ASIC2: variants seen among roughly 807,000 people sequenced by gnomAD.
ASIC2 encodes the protein acid-sensing ion channel 2.
In ASIC2, 25 loss-of-function variants were observed where a neutral mutation model predicts 57.3. The observed-to-expected ratio is 0.44, with a 90% CI of 0.32 to 0.61. ASIC2 has a LOEUF of 0.61. ASIC2 is among the 20% of genes least tolerant of loss of function. The probability of loss-of-function intolerance (pLI) is 0.06; values close to 1 mark genes in which losing one functional copy is unlikely to be tolerated. For synonymous variants in ASIC2, 319 were observed against 307.5 expected (o/e 1.04, Z -0.39); for missense variants, 641 against 738.1 (o/e 0.87, Z 1.52).
At chr17:33,705,188 T>C (rs1170254184) in intron 1 of ASIC2, among the ~76,000 whole-genome samples, 1 of 152,248 alleles carries the variant, frequency 6.6e-6, no homozygotes, top group African/African-American at 2.4e-5. Flanking sequence ...TAATGTATGT[T>C]CATTATTCAA....
At chr17:33,369,319 A>G (rs1198689472) in intron 1 of ASIC2, among the ~76,000 whole-genome samples, 1 of 152,176 alleles carries the variant, frequency 6.6e-6, no homozygotes, top group Non-Finnish European at 1.5e-5. Context: ...GGCTGCCTTG[A>G]GAAGGTGATT....
chr17:33,295,697 G>A (rs561793067), upstream of ASIC2, among the ~76,000 whole-genome samples: 3 of 152,276 alleles, frequency 2.0e-5, no homozygotes, highest in Admixed American at 1.3e-4. Context: ...CAGTGACCTA[G>A]CACGTTGATG....
chr17:33,765,758 G>T (rs926559178), intron 1 of ASIC2, among the ~76,000 whole-genome samples: 1 of 152,192 alleles, frequency 6.6e-6, no homozygotes, highest in African/African-American at 2.4e-5. Context: ...GTGCTATCAT[G>T]ATTTGACTCT....
At chr17:33,672,633 A>G (rs527725042) in intron 1 of ASIC2, among the ~76,000 whole-genome samples, 2 of 152,260 alleles carry the variant, frequency 1.3e-5, no homozygotes, top group African/African-American at 4.8e-5. Flanking sequence ...GATTCTTCCA[A>G]TTTTTAAGTG....
intron 1 of ASIC2, among the ~76,000 whole-genome samples, chr17:34,033,881 C>A (rs1209592119): frequency 6.6e-6 from 1 of 152,120 alleles, no homozygotes; most frequent in East Asian, 1.9e-4. Flanking sequence ...AGCTTACCAA[C>A]CAAAAAAAGT....
intron 1 of ASIC2, among the ~76,000 whole-genome samples, chr17:33,258,349 T>C (rs1909153601): frequency 6.6e-6 from 1 of 152,192 alleles, no homozygotes; most frequent in African/African-American, 2.4e-5. Context: ...CATTAATCCA[T>C]CAGTTAATCA....
intron 1 of ASIC2, among the ~76,000 whole-genome samples, chr17:33,407,096 A>G (rs920625429): frequency 6.6e-6 from 1 of 152,342 alleles, no homozygotes; most frequent in Non-Finnish European, 1.5e-5. Flanking sequence ...TCACTTGTAT[A>G]ATGTAGATAA....
At chr17:33,298,653 G>A (rs1905821974) in intron 1 of ASIC2, among the ~76,000 whole-genome samples, 1 of 152,160 alleles carries the variant, frequency 6.6e-6, no homozygotes, top group African/African-American at 2.4e-5. Context: ...TCTAGTTCTA[G>A]ATCCTTGAGG....
chr17:34,021,165 C>T (rs559336511), intron 1 of ASIC2, among the ~76,000 whole-genome samples: 36 of 152,024 alleles, frequency 2.4e-4, no homozygotes, highest in African/African-American at 7.0e-4. Flanking sequence ...GACGGGTGCA[C>T]CAAAATCTCA....
chr17:33,657,005 C>T (rs1288075205), intron 1 of ASIC2, among the ~76,000 whole-genome samples: 1 of 152,150 alleles, frequency 6.6e-6, no homozygotes. Context: ...AGCAAGATGA[C>T]CATGCTGGAA....
chr17:33,735,741 C>G (rs959091860), intron 1 of ASIC2, among the ~76,000 whole-genome samples: 8 of 152,130 alleles, frequency 5.3e-5, no homozygotes, highest in Non-Finnish European at 1.0e-4. Flanking sequence ...TGGGATCACT[C>G]ACTGTGCTCC....
intron 1 of ASIC2, among the ~76,000 whole-genome samples, chr17:34,033,384 T>C (rs1347529961): frequency 1.3e-5 from 2 of 152,118 alleles, no homozygotes; most frequent in African/African-American, 4.8e-5. Context: ...GGGAAATTTA[T>C]AGCACTAAAT....
chr17:34,093,082 C>T (rs1284402869), intron 1 of ASIC2, among the ~76,000 whole-genome samples: 1 of 152,206 alleles, frequency 6.6e-6, no homozygotes, highest in African/African-American at 2.4e-5. Flanking sequence ...CAGAACACCA[C>T]AATTTACTTA....
At chr17:34,092,127 C>T (rs1910355777) in intron 1 of ASIC2, among the ~76,000 whole-genome samples, 1 of 152,148 alleles carries the variant, frequency 6.6e-6, no homozygotes, top group African/African-American at 2.4e-5. Context: ...CAGGTCTACA[C>T]CAGTACACCC....
chr17:33,068,598 T>C (rs548096588), intron 3 of ASIC2, among the ~76,000 whole-genome samples: 1 of 152,248 alleles, frequency 6.6e-6, no homozygotes, highest in South Asian at 2.1e-4. Context: ...ATTTAAGCAG[T>C]TGCAACTCAG....
intron 1 of ASIC2, among the ~76,000 whole-genome samples, chr17:33,531,673 G>A (rs1028645923): frequency 3.9e-5 from 6 of 152,138 alleles, no homozygotes; most frequent in African/African-American, 7.2e-5. Context: ...AGTGGGTCAC[G>A]ACTTCCTAGG....
At chr17:33,210,571 T>G (rs1326193306) in intron 1 of ASIC2, among the ~76,000 whole-genome samples, 1 of 152,130 alleles carries the variant, frequency 6.6e-6, no homozygotes, top group Non-Finnish European at 1.5e-5. Context: ...CTGCAGACCT[T>G]TGAGGGTGCA....
intron 1 of ASIC2, among the ~76,000 whole-genome samples, chr17:33,694,124 CAG>C (rs1472522481): frequency 6.6e-6 from 1 of 152,098 alleles, no homozygotes; most frequent in African/African-American, 2.4e-5. Context: ...GATTACTTTC[CAG>C]AGTGTGAGAA....
intron 1 of ASIC2, among the ~76,000 whole-genome samples, chr17:34,120,722 C>CTTTTTTTTTTTTTTTTTTTT (rs142959293): frequency 1.6e-4 from 15 of 94,628 alleles, no homozygotes; most frequent in Non-Finnish European, 1.8e-4. Flanking sequence ...TGGGGTCCTT[C>CTTTTTTTTTTTTTTTTTTTT]TTTTTTTTTT....
Sources: allele counts gnomAD v4.1 joint callset (sites outside exome capture counted in the v4.1 genomes callset), GRCh38; gene constraint gnomAD v4.1.1; transcripts MANE v1.5; gene names NCBI Gene and HGNC (gene_info 2026-07-23, HGNC 2026-07-21).